XKR4: variants seen among roughly 807,000 people sequenced by gnomAD.
The protein encoded by XKR4 is XK related 4.
XKR4 carries 12 observed loss-of-function variants against 53.9 expected under a neutral mutation model. That is an observed-to-expected ratio of 0.22 (90% CI 0.14 to 0.36). The LOEUF is 0.36. XKR4 is among the 10% of genes least tolerant of loss of function. The probability of loss-of-function intolerance (pLI) is 1.00; values close to 1 mark genes in which losing one functional copy is unlikely to be tolerated. For missense variants in XKR4, 799 were observed against 859.5 expected (o/e 0.93, Z 0.88); for synonymous variants, 354 against 362.4 (o/e 0.98, Z 0.26).
At chr8:55,243,210 T>A (rs1278322262) in intron 1 of XKR4, among the ~76,000 whole-genome samples, 1 of 152,164 alleles carries the variant, frequency 6.6e-6, no homozygotes, top group Non-Finnish European at 1.5e-5. Flanking sequence ...GAGTCCATAG[T>A]TTACCTTAGG....
chr8:55,521,148 C>G (rs1436292343), intron 2 of XKR4, among the ~76,000 whole-genome samples: 1 of 152,242 alleles, frequency 6.6e-6, no homozygotes, highest in Non-Finnish European at 1.5e-5. Context: ...AGAAACCCAG[C>G]TGGGCGCCGC....
At chr8:55,456,168 A>G (rs1391567774) in intron 2 of XKR4, among the ~76,000 whole-genome samples, 1 of 152,214 alleles carries the variant, frequency 6.6e-6, no homozygotes, top group Non-Finnish European at 1.5e-5. Flanking sequence ...GCAGTGGCTC[A>G]CACCTGTAAT....
intron 2 of XKR4, among the ~76,000 whole-genome samples, chr8:55,446,199 G>A (rs912397345): frequency 2.6e-5 from 4 of 152,146 alleles, no homozygotes; most frequent in African/African-American, 7.2e-5. Flanking sequence ...CAACCATCAC[G>A]TGGAGGTACC....
Position 55,529,269 on chromosome 8 carries a change from G to T in XKR4, c.*5042G>T, listed in dbSNP as rs745685803. 4 of 151,794 alleles carry T rather than the reference G, an allele frequency of 2.6e-5. No homozygotes were observed. Among genetic ancestry groups the T allele is most frequent in the African/African-American group, 4.8e-5 (2 of 41,324 alleles). 9.4% of individuals were successfully genotyped at this position (151,794 alleles called of 1,614,324 possible). On this transcript the variant is annotated 3_prime_UTR_variant, in exon 3 of 3. Coordinates refer to ENST00000327381, the MANE Select transcript of XKR4 (RefSeq NM_052898.2). The stretch of plus-strand genomic sequence containing the variant: ...TATATATATTGCAGGCAGTGACCTG[G>T]CCCCCAAATGTAAAGCTTTTGTCAA...
At chr8:55,352,569 A>G (rs1378240833) in intron 1 of XKR4, among the ~76,000 whole-genome samples, 1 of 152,228 alleles carries the variant, frequency 6.6e-6, no homozygotes, top group African/African-American at 2.4e-5. Flanking sequence ...AGAATCCATT[A>G]GCGTTTTCAA....
At chr8:55,225,705 G>T (rs1391676832) in intron 1 of XKR4, among the ~76,000 whole-genome samples, 1 of 152,210 alleles carries the variant, frequency 6.6e-6, no homozygotes, top group Non-Finnish European at 1.5e-5. Context: ...CATCAAGTTT[G>T]TTTGAATGCA....
rs1807104773 is a variant in XKR4 at position 55,541,797 on chromosome 8, T to G, written c.*17570T>G. On this transcript the variant is annotated 3_prime_UTR_variant, in exon 3 of 3. Transcript: ENST00000327381. Reference sequence around the variant, plus strand: ...AAATTCCATGTATCCAAACATCCCTTTAGCGTTCAGATTGTAAGTGTGTCT... The same window carrying G: ...AAATTCCATGTATCCAAACATCCCTGTAGCGTTCAGATTGTAAGTGTGTCT... 1 of 152,180 alleles carries G rather than the reference T, an allele frequency of 6.6e-6. No homozygotes were observed. Among genetic ancestry groups the G allele is most frequent in the African/African-American group, 2.4e-5 (1 of 41,442 alleles). The allele number at this position is 152,180 out of a possible 1,614,324, so 9.4% of individuals were successfully genotyped here. A position where few individuals can be genotyped will look rare whatever the true frequency, so the allele number is the denominator to read the frequency against.
chr8:55,446,947 T>G (rs1805356149), intron 2 of XKR4, among the ~76,000 whole-genome samples: 2 of 152,130 alleles, frequency 1.3e-5, no homozygotes, highest in African/African-American at 4.8e-5. Context: ...TCAATCCCTC[T>G]TTTTAGAAAA....
intron 1 of XKR4, among the ~76,000 whole-genome samples, chr8:55,142,886 C>A (rs151260284): frequency 8.5e-5 from 13 of 152,198 alleles, no homozygotes; most frequent in Non-Finnish European, 1.6e-4. Flanking sequence ...AGCATGTGGA[C>A]GAAGGAGCAG....
At chr8:55,163,346 A>G (rs1452487459) in intron 1 of XKR4, among the ~76,000 whole-genome samples, 1 of 152,218 alleles carries the variant, frequency 6.6e-6, no homozygotes, top group Admixed American at 6.5e-5. Flanking sequence ...AGAGAGGATG[A>G]GGCCCTGTGG....
intron 2 of XKR4, among the ~76,000 whole-genome samples, chr8:55,503,966 G>C (rs2129403795): frequency 6.6e-6 from 1 of 151,960 alleles, no homozygotes; most frequent in Middle Eastern, 3.4e-3. Context: ...TGATAATGTG[G>C]TGTGTTTTCC....
intron 1 of XKR4, among the ~76,000 whole-genome samples, chr8:55,256,523 T>C (rs1818440936): frequency 6.6e-6 from 1 of 152,008 alleles, no homozygotes; most frequent in African/African-American, 2.4e-5. Context: ...TCAGCAGAAG[T>C]TGGTAATTAA....
intron 2 of XKR4, among the ~76,000 whole-genome samples, chr8:55,508,651 G>A (rs1806579764): frequency 6.6e-6 from 1 of 152,228 alleles, no homozygotes; most frequent in Non-Finnish European, 1.5e-5. Context: ...ATACAGTTCA[G>A]AGAACACAAG....
chr8:55,309,459 A>G (rs879542079), intron 1 of XKR4, among the ~76,000 whole-genome samples: 2 of 152,202 alleles, frequency 1.3e-5, no homozygotes, highest in Non-Finnish European at 2.9e-5. Context: ...TAAAAGGGCA[A>G]TATGGTATTT....
intron 2 of XKR4, chr8:55,453,262 C>T (rs1237470577): frequency 4.1e-6 from 2 of 490,506 alleles, no homozygotes; most frequent in South Asian, 3.0e-5. Context: ...AGATGCCATG[C>T]TTGTCCAGAG....
rs1817499942 is a variant in XKR4 at position 55,195,984 on chromosome 8, CCA to C, written c.806+92691_806+92692del. 2.0e-5 allele frequency among the ~76,000 whole-genome samples: 3 copies of C among 152,094 alleles called. No individual in the cohort carries two copies. The South Asian group carries it at 6.2e-4, about 32-fold the overall frequency. ...CAGTGCCATCTGCTGCTTTATGGCA[CCA>C]GAGGGACACAGCATGCTCCTGTCGG... is the stretch of plus-strand genomic sequence containing the variant. On this transcript the variant is annotated intron_variant, in intron 1 of 2. Coordinates refer to ENST00000327381, the MANE Select transcript of XKR4 (RefSeq NM_052898.2).
chr8:55,337,202 C>T (rs567184229), intron 1 of XKR4, among the ~76,000 whole-genome samples: 1 of 152,228 alleles, frequency 6.6e-6, no homozygotes, highest in African/African-American at 2.4e-5. Flanking sequence ...GTGTCTCCTA[C>T]TACCAAAATT....
intron 1 of XKR4, among the ~76,000 whole-genome samples, chr8:55,331,366 C>T (rs1452567215): frequency 6.6e-6 from 1 of 152,128 alleles, no homozygotes; most frequent in Non-Finnish European, 1.5e-5. Flanking sequence ...TGTTTTGTGT[C>T]CTAACATATG....
chr8:55,511,219 CT>C (rs1262958509), intron 2 of XKR4, among the ~76,000 whole-genome samples: 1 of 152,178 alleles, frequency 6.6e-6, no homozygotes, highest in Admixed American at 6.5e-5. Flanking sequence ...CCTGCTCCCC[CT>C]GAACCCCGCA....
Sources: allele counts gnomAD v4.1 joint callset (sites outside exome capture counted in the v4.1 genomes callset), GRCh38; gene constraint gnomAD v4.1.1; transcripts MANE v1.5; gene names NCBI Gene and HGNC (gene_info 2026-07-23, HGNC 2026-07-21).